Variants in RLF observed in about 807,000 individuals in gnomAD.
The protein encoded by RLF is zinc finger protein Rlf.
RLF carries 7 observed loss-of-function variants against 162.9 expected under a neutral mutation model. The ratio of observed to expected loss-of-function variants is 0.04; its 90% CI spans 0.02 to 0.08. The LOEUF (loss-of-function observed/expected upper bound fraction) is 0.08. RLF is among the 10% of genes least tolerant of loss of function. The pLI, the probability that RLF is intolerant of heterozygous loss-of-function variation, is 1.00. For synonymous variants in RLF, 782 were observed against 791.5 expected, an observed-to-expected ratio of 0.99 and a Z score of 0.20; for missense variants, 1,664 against 2,244.7, an observed-to-expected ratio of 0.74 and a Z score of 5.23.
intron 1 of RLF, among the ~76,000 whole-genome samples, chr1:40,180,454 G>T (rs1642390834): frequency 6.6e-6 from 1 of 152,124 alleles, no homozygotes. Flanking sequence ...TAGAGACAGG[G>T]TTTCACCATG....
chr1:40,195,696 A>G lies in RLF; in HGVS notation c.539A>G (p.Lys180Arg), dbSNP rs1642625925. 2 of 1,613,788 alleles carry G rather than the reference A, an allele frequency of 1.2e-6. No homozygotes were observed. Among genetic ancestry groups the G allele is most frequent in the Non-Finnish European group, 1.7e-6 (2 of 1,179,798 alleles). ...NNLQILVHVTKEGVWKNPVLL... is the reference protein window; with the variant it reads ...NNLQILVHVTREGVWKNPVLL... ...CTACAAATATTGGTTCATGTTACCAAGGAAGGGGTGTGGAAAAACCCAGTT... is the reference window on the plus strand; with the variant it reads ...CTACAAATATTGGTTCATGTTACCAGGGAAGGGGTGTGGAAAAACCCAGTT... Residue 180 changes from lysine to arginine, a missense_variant, in exon 4 of 8, where the codon AAG (lysine) becomes AGG (arginine). Around this residue, in one of 15 missense-constraint regions of RLF, gnomAD observed 287 missense variants for 404.9 expected, o/e 0.71. Transcript: ENST00000372771.
rs770519607 is a variant in RLF at position 40,238,674 on chromosome 1, A to G, written c.3972A>G (p.Leu1324=). 6.2e-7 allele frequency: 1 copy of G among 1,613,598 alleles called. No individual in the cohort carries two copies. Among genetic ancestry groups the G allele is most frequent in the Non-Finnish European group, 8.5e-7 (1 of 1,179,674 alleles). The stretch of plus-strand genomic sequence containing the variant: ...CTTGCAACTCCTCATTCACCAATCT[A>G]AAAGGCTTAATTCGCCATTACAGAA... ...HKTCNSSFTN[L]KGLIRHYRTV... is the part of the protein sequence containing the mutation. Residue 1324 remains leucine, a synonymous_variant, in exon 8 of 8, where the codon CTA becomes CTG. Transcript: ENST00000372771. The surrounding 1 kb of genome is among the most constrained non-coding windows in gnomAD (Gnocchi z 5.2).
intron 1 of RLF, among the ~76,000 whole-genome samples, chr1:40,172,496 A>C (rs778569552): frequency 6.6e-6 from 1 of 152,220 alleles, no homozygotes; most frequent in African/African-American, 2.4e-5. Flanking sequence ...TTGAAATTAT[A>C]GGATTAGGCC....
Position 40,169,854 on chromosome 1 carries a change from G to A in RLF, c.237+8218G>A, listed in dbSNP as rs186163471. ...ATTACAGGTGCTCATCACCACACCC[G>A]GCTATTTGTATTTTTAGTAGAGATG... is the stretch of plus-strand genomic sequence containing the variant. On this transcript the variant is annotated intron_variant, in intron 1 of 7. Transcript: ENST00000372771. Among the ~76,000 whole-genome samples the A allele has an allele frequency of 2.3e-3, 352 of 151,536 alleles. 1 individual carries two copies. Among genetic ancestry groups the A allele is most frequent in the Middle Eastern group, 3.4e-3 (1 of 294 alleles).
intron 1 of RLF, among the ~76,000 whole-genome samples, chr1:40,183,742 A>T (rs866818438): frequency 1.1e-4 from 16 of 141,540 alleles, no homozygotes; most frequent in Admixed American, 2.8e-4. Flanking sequence ...TTCCTCATTT[A>T]AAAAAAAAAA....
chr1:40,165,113 A>G lies in RLF; in HGVS notation c.237+3477A>G, dbSNP rs143126303. Among the ~76,000 whole-genome samples, 130 of 152,324 alleles carry G rather than the reference A, an allele frequency of 8.5e-4. 1 individual carries two copies. Among genetic ancestry groups the G allele is most frequent in the African/African-American group, 2.6e-3 (110 of 41,576 alleles). On this transcript the variant is annotated intron_variant, in intron 1 of 7. Coordinates refer to ENST00000372771, the MANE Select transcript of RLF (RefSeq NM_012421.4). ...GTAAGGACTTAATAAGAAAATATCT[A>G]TTTTTAAAAATGCCTTCAGAATTGT...
chr1:40,200,036 CTG>C (rs1252237376), intron 4 of RLF, among the ~76,000 whole-genome samples: 2 of 152,144 alleles, frequency 1.3e-5, no homozygotes, highest in Non-Finnish European at 2.9e-5. Flanking sequence ...AATTTAGTAA[CTG>C]TGGGACTAAA....
At chr1:40,199,555 C>T (rs955247212) in intron 4 of RLF, among the ~76,000 whole-genome samples, 1 of 152,198 alleles carries the variant, frequency 6.6e-6, no homozygotes, top group African/African-American at 2.4e-5. Context: ...AACATCAGAT[C>T]AGTGATTCTA....
intron 6 of RLF, among the ~76,000 whole-genome samples, chr1:40,227,780 G>T (rs1284212987): frequency 3.9e-5 from 6 of 152,076 alleles, no homozygotes; most frequent in Non-Finnish European, 8.8e-5. Context: ...CAGGGCAGGT[G>T]GATCATGAGT....
chr1:40,217,968 T>C (rs1483479665), intron 5 of RLF, among the ~76,000 whole-genome samples: 2 of 152,208 alleles, frequency 1.3e-5, no homozygotes, highest in African/African-American at 4.8e-5. Flanking sequence ...ACATTGTTAA[T>C]ACTGGTTATC....
rs769379758 is a variant in RLF, at chr1:40,185,517, TAAAAAAAAAAAAA to T, written c.238-3524_238-3512del. On this transcript the variant is annotated intron_variant, in intron 1 of 7. Transcript: ENST00000372771. ...TAATCCTTTCAACCTAATCTTGCATTAAAAAAAAAAAAAAAAAAAAAAAAAAGCCGGGCGCAGT... is the reference window on the plus strand; with the variant it reads ...TAATCCTTTCAACCTAATCTTGCATTAAAAAAAAAAAAAGCCGGGCGCAGT... Among the ~76,000 whole-genome samples the T allele has an allele frequency of 1.3e-4, 3 of 23,738 alleles. 1 individual carries two copies. Among genetic ancestry groups the T allele is most frequent in the African/African-American group, 1.6e-4 (1 of 6,386 alleles). The allele number at this position is 23,738 out of a possible 152,430, so 15.6% of individuals were successfully genotyped here.
chr1:40,181,385 G>T (rs945528241), intron 1 of RLF, among the ~76,000 whole-genome samples: 1 of 152,118 alleles, frequency 6.6e-6, no homozygotes, highest in East Asian at 1.9e-4. Flanking sequence ...AGCCGAGATG[G>T]CACCACCGCA....
chr1:40,161,774 C>G lies in RLF; in HGVS notation c.237+138C>G. ...CGCCGCGCCCCCGGGCCGGGAAGGC[C>G]CAGCTCGGAAGCTCGACCGCTGGCC... On this transcript the variant is annotated intron_variant, in intron 1 of 7. Coordinates refer to ENST00000372771, the MANE Select transcript of RLF (RefSeq NM_012421.4). The surrounding 1 kb of genome is among the most constrained non-coding windows in gnomAD (Gnocchi z 4.4). 7.8e-7 allele frequency: 1 copy of G among 1,280,138 alleles called. No individual in the cohort carries two copies. Among genetic ancestry groups the G allele is most frequent in the Non-Finnish European group, 1.1e-6 (1 of 950,492 alleles). The allele number at this position is 1,280,138 out of a possible 1,614,324, so 79.3% of individuals were successfully genotyped here.
intron 7 of RLF, among the ~76,000 whole-genome samples, chr1:40,233,006 A>G (rs890462544): frequency 6.7e-6 from 1 of 148,200 alleles, no homozygotes; most frequent in Non-Finnish European, 1.5e-5. Context: ...AAGCTGCCCC[A>G]CCTGCTTGAA....
At chr1:40,174,425 G>A (rs1428676531) in intron 1 of RLF, among the ~76,000 whole-genome samples, 3 of 151,986 alleles carry the variant, frequency 2.0e-5, no homozygotes, top group African/African-American at 7.3e-5. Context: ...CACCAAATGG[G>A]TATATGACCT....
At chr1:40,166,060 G>A (rs565154883) in intron 1 of RLF, among the ~76,000 whole-genome samples, 77 of 152,254 alleles carry the variant, frequency 5.1e-4, no homozygotes, top group African/African-American at 1.4e-3. Flanking sequence ...TTTCTCCAAT[G>A]CATTCTATTA....
rs781095054 is a variant in RLF at position 40,237,940 on chromosome 1, T to A, written c.3238T>A (p.Ser1080Thr). The change falls in exon 8 of 8, where the codon TCT (serine) becomes ACT (threonine). Residue 1080 changes from serine to threonine, a missense_variant. By Grantham distance (58) the Ser-to-Thr change is moderately conservative (BLOSUM62 1). This residue lies in a region of RLF where 295 missense variants were observed against 317.4 expected (regional missense o/e 0.93). Coordinates refer to ENST00000372771, the MANE Select transcript of RLF (RefSeq NM_012421.4). This position sits in a 1 kb window ranked among gnomAD's most constrained non-coding sequence, Gnocchi z 4.4. ...CTTGAAAAACTCAATAACACATGGA[T>A]CTTTCTCAGGGTCATTGCAGGGGTA... ...LSLKNSITHGSFSGSLQGYPS... is the reference protein window; with the variant it reads ...LSLKNSITHGTFSGSLQGYPS... 1 of 1,614,144 alleles carries A rather than the reference T, an allele frequency of 6.2e-7. No homozygotes were observed. Among genetic ancestry groups the A allele is most frequent in the Non-Finnish European group, 8.5e-7 (1 of 1,179,978 alleles).
intron 1 of RLF, among the ~76,000 whole-genome samples, chr1:40,178,632 G>GTTTTTTTTTTTTTTTTTTTTTTTTTTTTT (rs57391266): frequency 2.3e-5 from 2 of 88,410 alleles, no homozygotes; most frequent in African/African-American, 7.9e-5. Context: ...TTTTTTTTTT[G>GTTTTTTTTTTTTTTTTTTTTTTTTTTTTT]TTTTTTTTTT....
rs547274585 is a variant in RLF at position 40,214,168 on chromosome 1, A to G, written c.811-8406A>G. 2.6e-5 allele frequency among the ~76,000 whole-genome samples: 4 copies of G among 152,338 alleles called. No homozygotes were observed. In the East Asian group the frequency reaches 5.8e-4, roughly 22 times the overall value. On this transcript the variant is annotated intron_variant, in intron 5 of 7. Transcript: ENST00000372771. ...AATGCCTTCCATTTATTCAGTATAC[A>G]TTCATTGGAGGTGTCTGCTGGGCAA...
Sources: gnomAD v4.1 joint callset for allele counts (sites outside exome capture counted in the v4.1 genomes callset) on GRCh38, gnomAD v4.1.1 for gene constraint, gnomAD v4.1.1 regional missense constraint, Gnocchi (gnomAD v3.1) non-coding constraint, MANE v1.5 for transcripts, NCBI Gene and HGNC (gene_info 2026-07-23, HGNC 2026-07-21) for gene names.